The following VASH1 variants were observed in gnomAD, a reference collection of about 807,000 sequenced individuals.
VASH1 encodes tubulinyl-Tyr carboxypeptidase 1.
VASH1 carries 16 observed loss-of-function variants against 35.0 expected under a neutral mutation model. The ratio of observed to expected loss-of-function variants is 0.46; its 90% CI spans 0.31 to 0.70. VASH1 has a LOEUF of 0.70. Among genes scored for constraint, VASH1 ranks in the 30% least tolerant of loss-of-function variants. VASH1 has a pLI of 0.05. For missense variants in VASH1, 505 were observed against 510.7 expected (o/e 0.99, Z 0.11); for synonymous variants, 214 against 200.9 (o/e 1.07, Z -0.55).
Position 76,778,057 on chromosome 14 carries a change from C to T in VASH1, c.1011C>T (p.Ser337=). ...AGTCCAGCCCCCACCGCAGGAACAG[C>T]CGCAGTGAAAGACGGTGAGAGAGGG... ...RAQSSPHRRN[S]RSERRPSGDK... The change falls in exon 6 of 7, where the codon AGC becomes AGT. Residue 337 remains serine, a synonymous_variant. Coordinates refer to ENST00000167106, the MANE Select transcript of VASH1 (RefSeq NM_014909.5). The T allele has an allele frequency of 6.6e-7, 1 of 1,505,174 alleles. No homozygotes were observed. The highest frequency in any genetic ancestry group is 8.9e-7 in the Non-Finnish European group (1 of 1,127,826). 93.2% of individuals were successfully genotyped at this position (1,505,174 alleles called of 1,614,324 possible). A position where few individuals can be genotyped will look rare whatever the true frequency, so the allele number is the denominator to read the frequency against.
chr14:76,770,401 A>AG (rs1479479074), intron 2 of VASH1, among the ~76,000 whole-genome samples: 1 of 152,084 alleles, frequency 6.6e-6, no homozygotes, highest in Admixed American at 6.5e-5. Context: ...GCCCTAGCAG[A>AG]GGGGGAGAGA....
chr14:76,775,488 G>GAGAAT (rs1893910731), intron 4 of VASH1, among the ~76,000 whole-genome samples: 1 of 152,138 alleles, frequency 6.6e-6, no homozygotes, highest in Non-Finnish European at 1.5e-5. Context: ...GGTAAGAGAA[G>GAGAAT]AGTGAAGCCG....
chr14:76,768,528 A>T (rs1281067024), intron 1 of VASH1, among the ~76,000 whole-genome samples: 1 of 152,118 alleles, frequency 6.6e-6, no homozygotes, highest in African/African-American at 2.4e-5. Context: ...CCCTTAGAGG[A>T]GGTGTCTGTC....
intron 3 of VASH1, 52 bp from the exon 4 acceptor site, chr14:76,773,085 C>CCTGGAGGGG: frequency 6.3e-7 from 1 of 1,579,220 alleles, no homozygotes; most frequent in African/African-American, 1.3e-5. Context: ...CTCACATTCC[C>CCTGGAGGGG]CTGGAGGGGC....
Position 76,779,831 on chromosome 14 carries a change from C to T in VASH1, c.*813C>T, listed in dbSNP as rs1566689110. 7.2e-6 allele frequency: 3 copies of T among 415,588 alleles called. No homozygotes were observed. The highest frequency in any genetic ancestry group is 1.3e-5 in the Non-Finnish European group (3 of 234,388). 25.7% of individuals were successfully genotyped at this position (415,588 alleles called of 1,614,324 possible). A position where few individuals can be genotyped will look rare whatever the true frequency, so the allele number is the denominator to read the frequency against. ...GCTTGGCGGAGGACCCAGAATGGCA[C>T]TGAGGCCAGCATGGCTGTGGGAGTT... On this transcript the variant is annotated 3_prime_UTR_variant, in exon 7 of 7. Coordinates refer to ENST00000167106, the MANE Select transcript of VASH1 (RefSeq NM_014909.5).
intron 4 of VASH1, among the ~76,000 whole-genome samples, chr14:76,775,544 GGAGT>G (rs1230645814): frequency 6.6e-6 from 1 of 152,174 alleles, no homozygotes; most frequent in African/African-American, 2.4e-5. Context: ...GGAGGGCGAG[GGAGT>G]GAGGCAGGGG....
chr14:76,777,820 T>G, intron 5 of VASH1, 139 bp from the exon 6 acceptor site: 1 of 534,760 alleles, frequency 1.9e-6, no homozygotes, highest in Non-Finnish European at 3.1e-6. Context: ...TTGGGAAAGA[T>G]CCAGACAGGG....
At chr14:76,766,986 T>G (rs1375299548) in intron 1 of VASH1, among the ~76,000 whole-genome samples, 1 of 152,100 alleles carries the variant, frequency 6.6e-6, no homozygotes, top group Non-Finnish European at 1.5e-5. Flanking sequence ...CCGGGTGCGG[T>G]GTAATCCCAG....
Position 76,764,255 on chromosome 14 carries a change from T to C in VASH1, c.309+1125T>C, listed in dbSNP as rs1018741461. ...AAAGTGTCTTCTGGGAAAAAGAGAATCAAAGGTTGAAGGTTTAAATACTGC... is the reference window on the plus strand; with the variant it reads ...AAAGTGTCTTCTGGGAAAAAGAGAACCAAAGGTTGAAGGTTTAAATACTGC... On this transcript the variant is annotated intron_variant, in intron 1 of 6. Coordinates refer to ENST00000167106, the MANE Select transcript of VASH1 (RefSeq NM_014909.5). 2.6e-5 allele frequency among the ~76,000 whole-genome samples: 4 copies of C among 152,172 alleles called. No individual in the cohort carries two copies. In the East Asian group the frequency reaches 7.7e-4, roughly 29 times the overall value.
chr14:76,779,534 G>T lies in VASH1; in HGVS notation c.*516G>T, dbSNP rs1181550325. The T allele has an allele frequency of 1.4e-6, 1 of 696,612 alleles. No individual in the cohort carries two copies. The highest frequency in any genetic ancestry group is 2.6e-6 in the Non-Finnish European group (1 of 381,854). 43.2% of individuals were successfully genotyped at this position (696,612 alleles called of 1,614,324 possible). ...GACCCAGGGAAAGGGAAGCAGGGTA[G>T]GAGTCCTTCTGAGAAAGGTCTGTGT... On this transcript the variant is annotated 3_prime_UTR_variant, in exon 7 of 7. Transcript: ENST00000167106.
At chr14:76,766,420 T>TTA (rs10659302) in intron 1 of VASH1, among the ~76,000 whole-genome samples, 13,316 of 152,152 alleles carry the variant, frequency 0.088, 635 homozygotes, top group Middle Eastern at 0.17. Flanking sequence ...CTCTAGCTAC[T>TTA]TATTATGACT....
rs1595282001 is a variant in VASH1, at chr14:76,779,762, T to C, written c.*744T>C. 3 of 556,630 alleles carry C rather than the reference T, an allele frequency of 5.4e-6. No individual in the cohort carries two copies. The highest frequency in any genetic ancestry group is 5.9e-5 in the East Asian group (2 of 33,728). 34.5% of individuals were successfully genotyped at this position (556,630 alleles called of 1,614,324 possible). ...CTGCGTCTACTTGCTCAGTCCCAGC[T>C]CTGCCTGTTGCTCTAGCCCACAGGC... On this transcript the variant is annotated 3_prime_UTR_variant, in exon 7 of 7. Coordinates refer to ENST00000167106, the MANE Select transcript of VASH1 (RefSeq NM_014909.5).
chr14:76,769,596 C>A (rs1893736759), intron 1 of VASH1: 2 of 740,676 alleles, frequency 2.7e-6, no homozygotes, highest in South Asian at 1.7e-5. Context: ...GAGCAAACTT[C>A]AAACCTAAAA....
rs541153318 is a variant in VASH1, at chr14:76,768,442, C to T, written c.310-1521C>T. Among the ~76,000 whole-genome samples, 16 of 152,218 alleles carry T rather than the reference C, an allele frequency of 1.1e-4. No homozygotes were observed. The South Asian group carries it at 2.9e-3, about 28-fold the overall frequency. Reference sequence around the variant, plus strand: ...ACTCCCCAGACAGGAAGGAGAAGACCGACGGGAGGGAGGGTGAGGAAGTGC... The same window carrying T: ...ACTCCCCAGACAGGAAGGAGAAGACTGACGGGAGGGAGGGTGAGGAAGTGC... On this transcript the variant is annotated intron_variant, in intron 1 of 6. Coordinates refer to ENST00000167106, the MANE Select transcript of VASH1 (RefSeq NM_014909.5).
chr14:76,778,135 G>A, intron 6 of VASH1, 64 bp downstream of exon 6: 1 of 1,222,010 alleles, frequency 8.2e-7, no homozygotes, highest in Non-Finnish European at 1.1e-6. Context: ...CTCATCGTGT[G>A]GGTCCCTTTT....
chr14:76,778,136 G>A (rs1474282607), intron 6 of VASH1, 65 bp downstream of exon 6: 2 of 1,226,704 alleles, frequency 1.6e-6, no homozygotes, highest in Non-Finnish European at 2.1e-6. Context: ...TCATCGTGTG[G>A]GTCCCTTTTT....
chr14:76,764,328 C>G lies in VASH1; in HGVS notation c.309+1198C>G, dbSNP rs560588601. Among the ~76,000 whole-genome samples, 5 of 152,346 alleles carry G rather than the reference C, an allele frequency of 3.3e-5. No homozygotes were observed. In the East Asian group the frequency reaches 9.6e-4, roughly 29 times the overall value. ...AATGTAGATTGATTTGGAATGGCCGCATAAATGTGCTCTGCACTGACTTAA... is the reference window on the plus strand; with the variant it reads ...AATGTAGATTGATTTGGAATGGCCGGATAAATGTGCTCTGCACTGACTTAA... On this transcript the variant is annotated intron_variant, in intron 1 of 6. Transcript: ENST00000167106.
At chr14:76,778,131 G>A (rs1167132946) in intron 6 of VASH1, 60 bp downstream of exon 6, 3 of 1,236,554 alleles carry the variant, frequency 2.4e-6, no homozygotes, top group Admixed American at 4.0e-5. Context: ...TCCTCTCATC[G>A]TGTGGGTCCC....
chr14:76,762,300 C>T lies in VASH1; in HGVS notation c.-522C>T, dbSNP rs1334181112. 1 of 152,308 alleles carries T rather than the reference C, an allele frequency of 6.6e-6. No homozygotes were observed. Among genetic ancestry groups the T allele is most frequent in the East Asian group, 1.9e-4 (1 of 5,194 alleles). The allele number at this position is 152,308 out of a possible 1,614,324, so 9.4% of individuals were successfully genotyped here. A position where few individuals can be genotyped will look rare whatever the true frequency, so the allele number is the denominator to read the frequency against. ...GGTCTTGGTTCCGAGCTCGCGCGGC[C>T]GGGAGTCGCCTCGGTCTTCCTTGGG... is the stretch of plus-strand genomic sequence containing the variant. On this transcript the variant is annotated 5_prime_UTR_variant, in exon 1 of 7. Transcript: ENST00000167106.
Sources: gnomAD v4.1 joint callset for allele counts (sites outside exome capture counted in the v4.1 genomes callset) on GRCh38, gnomAD v4.1.1 for gene constraint, MANE v1.5 for transcripts, NCBI Gene and HGNC (gene_info 2026-07-23, HGNC 2026-07-21) for gene names.